Variants in CGN observed in about 807,000 individuals in gnomAD.
CGN encodes the protein cingulin.
In CGN, 121 loss-of-function variants were observed where a neutral mutation model predicts 157.1. The ratio of observed to expected loss-of-function variants is 0.77; its 90% CI spans 0.66 to 0.90. CGN has a LOEUF of 0.90. Ranked by LOEUF, CGN falls within the 40% of genes least tolerant of loss-of-function variation. The pLI is 0.00. For synonymous variants in CGN, 535 were observed against 607.5 expected (o/e 0.88, Z 1.76); for missense variants, 1,424 against 1,520.9 (o/e 0.94, Z 1.06).
At chr1:151,510,496 T>G (rs1267627843), upstream of CGN, 1 of 152,222 alleles carries the variant, frequency 6.6e-6, no homozygotes, top group Non-Finnish European at 1.5e-5. Flanking sequence ...TAGTTTTTAC[T>G]CTTTTCTAGG....
Position 151,537,372 on chromosome 1 carries a change from C to A in CGN, c.*26C>A. 6.2e-7 allele frequency: 1 copy of A among 1,606,010 alleles called. No individual in the cohort carries two copies. Among genetic ancestry groups the A allele is most frequent in the African/African-American group, 1.3e-5 (1 of 74,920 alleles). ...CTCGTGGTCCTCAAGGACTCAGAAA[C>A]CAGGCTCGAGGCCTATCCCAGCAAG... On this transcript the variant is annotated 3_prime_UTR_variant, in exon 21 of 21. Coordinates refer to ENST00000271636, the MANE Select transcript of CGN (RefSeq NM_020770.3).
chr1:151,527,063 C>T lies in CGN; in HGVS notation c.1852C>T (p.Arg618Ter), dbSNP rs140334393. The change falls in exon 10 of 21, where the codon CGA (arginine) becomes TGA (stop). Residue 618 changes from arginine to a stop codon, truncating the protein, a stop_gained. Transcript: ENST00000271636. LOFTEE classifies it high-confidence loss of function. ...EVLQRELEQA[R>*]ASAGDTRQVE... ...CTTGCAGAGGGAATTAGAGCAGGCC[C>T]GAGCTAGTGCTGGAGATACTCGCCA... The T allele has an allele frequency of 5.7e-5, 92 of 1,614,110 alleles. No homozygotes were observed. In the African/African-American group the frequency reaches 6.5e-4, roughly 11 times the overall value.
At chr1:151,512,306 G>A (rs1410492708) in intron 1 of CGN, among the ~76,000 whole-genome samples, 1 of 152,124 alleles carries the variant, frequency 6.6e-6, no homozygotes, top group East Asian at 1.9e-4. Flanking sequence ...CCTTTCTGGG[G>A]GCGGATGTCA....
At chr1:151,534,867 G>A in intron 15 of CGN, 175 bp from the exon 16 acceptor site, 1 of 600,304 alleles carries the variant, frequency 1.7e-6, no homozygotes. Context: ...GCCACATCTG[G>A]TCAGTAGAGG....
chr1:151,526,918 C>T, intron 9 of CGN, 57 bp from the exon 10 acceptor site: 1 of 1,609,208 alleles, frequency 6.2e-7, no homozygotes, highest in Non-Finnish European at 8.5e-7. Flanking sequence ...TAACCTCCCC[C>T]AGGCATGTGG....
intron 1 of CGN, among the ~76,000 whole-genome samples, chr1:151,512,353 G>A (rs924077051): frequency 1.3e-5 from 2 of 152,174 alleles, no homozygotes; most frequent in Non-Finnish European, 2.9e-5. Flanking sequence ...TTTTTCTGTG[G>A]TTCTAGATGG....
chr1:151,527,691 C>T (rs147649163), intron 10 of CGN: 1 of 154,956 alleles, frequency 6.5e-6, no homozygotes, highest in Non-Finnish European at 1.4e-5. Context: ...ATGGTACTTT[C>T]TGAATTTCAG....
chr1:151,524,154 A>T lies in CGN; in HGVS notation c.1269-72A>T. On this transcript the variant is annotated intron_variant, in intron 6 of 20. Transcript: ENST00000271636. This position sits in a 1 kb window ranked among gnomAD's most constrained non-coding sequence, Gnocchi z 4.4. ...AGGAAGTTTAAATGCATTAATAAAT[A>T]TGAATTAAAATATATGATGCGTTTA... The T allele has an allele frequency of 7.4e-7, 1 of 1,342,306 alleles. No individual in the cohort carries two copies. Among genetic ancestry groups the T allele is most frequent in the South Asian group, 1.3e-5 (1 of 74,278 alleles). The allele number at this position is 1,342,306 out of a possible 1,614,324, so 83.1% of individuals were successfully genotyped here. A position where few individuals can be genotyped will look rare whatever the true frequency, so the allele number is the denominator to read the frequency against.
chr1:151,519,319 G>T lies in CGN; in HGVS notation c.800G>T (p.Arg267Leu). ...LSPLSGFSRS[R>L]QTQDWVLQSF... ...CCTCTCAGTGGCTTTAGCCGTTCTCGTCAGACTCAGGACTGGGTCCTTCAG... is the reference window on the plus strand; with the variant it reads ...CCTCTCAGTGGCTTTAGCCGTTCTCTTCAGACTCAGGACTGGGTCCTTCAG... The change falls in exon 2 of 21, where the codon CGT becomes CTT. Residue 267 changes from arginine to leucine, a missense_variant. By Grantham distance (102) the Arg-to-Leu change is moderately radical. Transcript: ENST00000271636. The T allele has an allele frequency of 6.2e-7, 1 of 1,611,776 alleles. No homozygotes were observed. The highest frequency in any genetic ancestry group is 8.5e-7 in the Non-Finnish European group (1 of 1,180,008).
At position 151,532,556 on chromosome 1, in the gene CGN, G is replaced by T. The variant is rs574762902; in HGVS notation, c.2726G>T (p.Ser909Ile). ...SEAEKTSGGL[S>I]RLQDEIQRLR... The stretch of plus-strand genomic sequence containing the variant: ...GCTGAGAAGACCTCTGGAGGACTGA[G>T]CCGACTTCAGGATGAGGTAGAAGTC... Residue 909 changes from serine (S) to isoleucine (I), a missense_variant, in exon 14 of 21, where the codon AGC becomes ATC. By Grantham distance (142) the Ser-to-Ile change is moderately radical. Transcript: ENST00000271636. 1.7e-5 allele frequency: 27 copies of T among 1,547,132 alleles called. No homozygotes were observed. The East Asian group carries it at 5.8e-4, about 33-fold the overall frequency.
In CGN at chr1:151,529,492, A is replaced by G. The variant is rs181473607; in HGVS notation, c.2039A>G (p.Glu680Gly). The stretch of plus-strand genomic sequence containing the variant: ...GAGGCTGATCGAGGTCGGGAGCTGG[A>G]AGAACAGAACCTCCAGCTACAAAAG... ...RVEADRGREL[E>G]EQNLQLQKTL... The change falls in exon 11 of 21, where the codon GAA becomes GGA. Residue 680 changes from glutamate to glycine, a missense_variant. By Grantham distance (98) the Glu-to-Gly change is moderately conservative. Coordinates refer to ENST00000271636, the MANE Select transcript of CGN (RefSeq NM_020770.3). 1.3e-4 allele frequency: 215 copies of G among 1,613,902 alleles called. No homozygotes were observed. Among genetic ancestry groups the G allele is most frequent in the Non-Finnish European group, 5.9e-6 (7 of 1,179,990 alleles).
Position 151,518,565 on chromosome 1 carries a change from C to T in CGN, c.46C>T (p.His16Tyr), listed in dbSNP as rs1664461775. The T allele has an allele frequency of 2.5e-6, 4 of 1,613,254 alleles. No individual in the cohort carries two copies. The highest frequency in any genetic ancestry group is 3.4e-6 in the Non-Finnish European group (4 of 1,179,388). ...GGCTGAGCCCCGGGGCCCCGTAGAC[C>T]ATGGAGTCCAGATTCGCTTCATCAC... ...NMAEPRGPVD[H>Y]GVQIRFITEP... is the part of the protein sequence containing the mutation. Residue 16 changes from histidine (H) to tyrosine (Y), a missense_variant, in exon 2 of 21, where the codon CAT (histidine) becomes TAT (tyrosine). Transcript: ENST00000271636.
chr1:151,523,390 C>T (rs758667719), intron 5 of CGN, 44 bp from the exon 6 acceptor site: 1 of 1,551,834 alleles, frequency 6.4e-7, no homozygotes, highest in Non-Finnish European at 8.7e-7. Flanking sequence ...TTCTGAGAGG[C>T]TTTCCCTACC....
In CGN at chr1:151,530,572, G is replaced by C. The variant is rs567928388; in HGVS notation, c.2397G>C (p.Glu799Asp). The change falls in exon 13 of 21, where the codon GAG becomes GAC. Residue 799 changes from glutamate (E) to aspartate (D), a missense_variant. By Grantham distance (45) the Glu-to-Asp change is conservative. Transcript: ENST00000271636. ...TGGCAGCAGCCAAGCGGGCACTGGA[G>C]GCACGCCTAGAGGAGGCTCAGCGGG... The part of the protein sequence containing the change: ...GSLAAAKRAL[E>D]ARLEEAQRGL... 1 of 1,610,234 alleles carries C rather than the reference G, an allele frequency of 6.2e-7. No homozygotes were observed. Among genetic ancestry groups the C allele is most frequent in the South Asian group, 1.1e-5 (1 of 90,624 alleles).
Position 151,532,391 on chromosome 1 carries a change from C to T in CGN, c.2572-11C>T. 6.5e-7 allele frequency: 1 copy of T among 1,543,702 alleles called. No individual in the cohort carries two copies. Among genetic ancestry groups the T allele is most frequent in the South Asian group, 1.3e-5 (1 of 78,748 alleles). On this transcript the variant is annotated splice_polypyrimidine_tract_variant and intron_variant, in intron 13 of 20. Transcript: ENST00000271636. ...TGTACAGTGCTGAAGACCCTTTTCT[C>T]TGTGTTTCAGTTGGAGAAGATCGGG...
chr1:151,536,880 GAGA>G lies in CGN; in HGVS notation c.3460_3462del (p.Lys1154del). The G allele has an allele frequency of 6.2e-7, 1 of 1,614,080 alleles. No individual in the cohort carries two copies. Among genetic ancestry groups the G allele is most frequent in the Non-Finnish European group, 8.5e-7 (1 of 1,180,006 alleles). ...GCTCCAGGCCCGGATCAAGTCTCTG[GAGA>G]AGGACTCCTGGTATGGGCTACCCTT... On this transcript the variant is annotated inframe_deletion, in exon 20 of 21. Transcript: ENST00000271636.
chr1:151,514,265 C>T (rs575303875), intron 1 of CGN, among the ~76,000 whole-genome samples: 6 of 152,316 alleles, frequency 3.9e-5, no homozygotes, highest in Non-Finnish European at 7.4e-5. Flanking sequence ...AGTGCTGTTG[C>T]TCAAGGGTCT....
intron 14 of CGN, 100 bp from the exon 15 acceptor site, chr1:151,533,875 C>G: frequency 2.1e-6 from 2 of 966,512 alleles, no homozygotes; most frequent in South Asian, 3.7e-5. Flanking sequence ...TAAAGAGTGA[C>G]AGTGATGAAA....
chr1:151,530,146 G>C (rs1015942469), intron 12 of CGN, 31 bp downstream of exon 12: 2 of 1,590,862 alleles, frequency 1.3e-6, no homozygotes, highest in Middle Eastern at 1.7e-4. Flanking sequence ...AGCCCTCTCT[G>C]CTCAGCCCTG....
Sources: gnomAD v4.1 joint callset for allele counts (sites outside exome capture counted in the v4.1 genomes callset) on GRCh38, gnomAD v4.1.1 for gene constraint, Gnocchi (gnomAD v3.1) non-coding constraint, MANE v1.5 for transcripts, NCBI Gene and HGNC (gene_info 2026-07-23, HGNC 2026-07-21) for gene names.